The following CCDC141 variants were observed in gnomAD, a reference collection of about 807,000 sequenced individuals.
The protein encoded by CCDC141 is coiled-coil domain containing 141.
A neutral mutation model predicts 181.0 loss-of-function variants in CCDC141; 168 were observed. That is an observed-to-expected ratio of 0.93 (90% CI 0.82 to 1.05). The LOEUF (loss-of-function observed/expected upper bound fraction) is 1.05, where lower values mean the gene tolerates loss of function less well. CCDC141 is among the 50% of genes least tolerant of loss of function. The pLI, the probability that CCDC141 is intolerant of heterozygous loss-of-function variation, is 0.00. For synonymous variants in CCDC141, 666 were observed against 642.3 expected, an observed-to-expected ratio of 1.04 and a Z score of -0.56; for missense variants, 1,902 against 1,788.5, an observed-to-expected ratio of 1.06 and a Z score of -1.14.
chr2:178,967,801 G>A (rs551973726), intron 4 of CCDC141, among the ~76,000 whole-genome samples: 17 of 151,950 alleles, frequency 1.1e-4, no homozygotes, highest in Admixed American at 2.6e-4. Flanking sequence ...CTGGCAAATC[G>A]GGTAGAGTCA....
At chr2:179,003,987 G>A (rs887044205) in intron 2 of CCDC141, among the ~76,000 whole-genome samples, 1 of 152,076 alleles carries the variant, frequency 6.6e-6, no homozygotes, top group African/African-American at 2.4e-5. Context: ...ATATGCTGAT[G>A]AGGTGGAGGG....
intron 22 of CCDC141, among the ~76,000 whole-genome samples, chr2:178,840,593 T>C (rs917042867): frequency 6.6e-6 from 1 of 152,172 alleles, no homozygotes; most frequent in African/African-American, 2.4e-5. Flanking sequence ...TGGGTTCAGG[T>C]TGGCTCTAAG....
chr2:178,891,938 T>C (rs1037641820), intron 8 of CCDC141, among the ~76,000 whole-genome samples: 2 of 152,142 alleles, frequency 1.3e-5, no homozygotes, highest in African/African-American at 4.8e-5. Flanking sequence ...CCTGAACACA[T>C]AGCCTTATAA....
chr2:178,988,570 G>A (rs943508643), intron 2 of CCDC141, among the ~76,000 whole-genome samples: 27 of 152,116 alleles, frequency 1.8e-4, no homozygotes, highest in Admixed American at 3.9e-4. Context: ...TTGTTAAAAA[G>A]CAATACTGTC....
intron 4 of CCDC141, among the ~76,000 whole-genome samples, chr2:178,964,380 G>A (rs1690534854): frequency 6.6e-6 from 1 of 152,088 alleles, no homozygotes; most frequent in Non-Finnish European, 1.5e-5. Flanking sequence ...TGAGAGGGAG[G>A]CACAACTTTA....
intron 8 of CCDC141, among the ~76,000 whole-genome samples, chr2:178,891,512 G>C (rs533251805): frequency 1.1e-4 from 16 of 152,088 alleles, no homozygotes; most frequent in Non-Finnish European, 1.9e-4. Flanking sequence ...AGTGTTCTCG[G>C]CTGTCATAGA....
At chr2:178,956,939 G>T (rs1365612114) in intron 5 of CCDC141, among the ~76,000 whole-genome samples, 1 of 152,012 alleles carries the variant, frequency 6.6e-6, no homozygotes, top group Non-Finnish European at 1.5e-5. Context: ...GAGTGCAATG[G>T]CACGATCTCG....
At chr2:178,900,736 T>C (rs1005951281) in intron 8 of CCDC141, among the ~76,000 whole-genome samples, 1 of 152,148 alleles carries the variant, frequency 6.6e-6, no homozygotes, top group African/African-American at 2.4e-5. Context: ...AAAAAGCTGT[T>C]ACTACTTTTC....
chr2:179,014,827 TGTAAACTA>T lies in CCDC141; in HGVS notation c.225+32449_225+32456del, dbSNP rs1005131727. ...AACACTTCTACGCTGCTGGTGGGAA[TGTAAACTA>T]GTACAACCACTATGGAAAACAGTGT... On this transcript the variant is annotated intron_variant, in intron 2 of 23. Coordinates refer to ENST00000443758, the MANE Select transcript of CCDC141 (RefSeq NM_173648.4). Among the ~76,000 whole-genome samples the T allele has an allele frequency of 3.2e-4, 48 of 152,026 alleles. 1 individual carries two copies. Among genetic ancestry groups the T allele is most frequent in the Non-Finnish European group, 5.1e-4 (35 of 67,966 alleles).
intron 17 of CCDC141, among the ~76,000 whole-genome samples, chr2:178,861,563 G>A (rs1050752265): frequency 6.6e-6 from 1 of 150,978 alleles, no homozygotes; most frequent in African/African-American, 2.4e-5. Flanking sequence ...TTGAACCCAG[G>A]AGGCAGAGGT....
chr2:178,907,787 A>C (rs879923777), intron 7 of CCDC141, among the ~76,000 whole-genome samples: 114 of 152,146 alleles, frequency 7.5e-4, no homozygotes, highest in Non-Finnish European at 1.4e-3. Flanking sequence ...TGAGGTCAGG[A>C]GTTCAAGACC....
At chr2:179,012,840 CGTAAACAGAATT>C (rs991051813) in intron 2 of CCDC141, among the ~76,000 whole-genome samples, 4 of 152,142 alleles carry the variant, frequency 2.6e-5, no homozygotes, top group African/African-American at 9.6e-5. Context: ...TGATATACCA[CGTAAACAGAATT>C]AAAAGCAAAA....
At chr2:179,021,117 G>A (rs1200994323) in intron 2 of CCDC141, among the ~76,000 whole-genome samples, 1 of 152,142 alleles carries the variant, frequency 6.6e-6, no homozygotes, top group Admixed American at 6.5e-5. Flanking sequence ...AAATACTTTG[G>A]AAATTACATA....
At chr2:178,934,126 C>G (rs1324371189) in intron 6 of CCDC141, among the ~76,000 whole-genome samples, 1 of 152,002 alleles carries the variant, frequency 6.6e-6, no homozygotes, top group Non-Finnish European at 1.5e-5. Context: ...CCAGGTGACT[C>G]CAGTGTGCAG....
chr2:178,938,344 A>T (rs566071334), intron 6 of CCDC141, among the ~76,000 whole-genome samples: 1 of 152,096 alleles, frequency 6.6e-6, no homozygotes. Flanking sequence ...CTTTAATTTC[A>T]CTAATTACCC....
chr2:178,933,681 G>A (rs772324854), intron 6 of CCDC141, among the ~76,000 whole-genome samples: 1 of 152,054 alleles, frequency 6.6e-6, no homozygotes, highest in Non-Finnish European at 1.5e-5. Flanking sequence ...TGTTTCCAAG[G>A]TAATCTCCTA....
chr2:178,854,125 A>G (rs775755899), intron 19 of CCDC141, among the ~76,000 whole-genome samples: 5 of 152,272 alleles, frequency 3.3e-5, no homozygotes, highest in African/African-American at 1.2e-4. Flanking sequence ...AATAAGATTT[A>G]GTTTATGAAT....
intron 7 of CCDC141, among the ~76,000 whole-genome samples, chr2:178,913,150 T>A (rs1575208741): frequency 6.6e-6 from 1 of 152,216 alleles, no homozygotes; most frequent in East Asian, 1.9e-4. Flanking sequence ...ATGGCAAGAA[T>A]AGGAACACAA....
chr2:178,949,350 T>C (rs1379560048), intron 5 of CCDC141, among the ~76,000 whole-genome samples: 1 of 152,132 alleles, frequency 6.6e-6, no homozygotes, highest in Non-Finnish European at 1.5e-5. Context: ...CCTCCTATGA[T>C]AGAGATATTT....
Sources: gnomAD v4.1 joint callset for allele counts (sites outside exome capture counted in the v4.1 genomes callset) on GRCh38, gnomAD v4.1.1 for gene constraint, MANE v1.5 for transcripts, NCBI Gene and HGNC (gene_info 2026-07-23, HGNC 2026-07-21) for gene names.